DRC5: variants seen among roughly 807,000 people sequenced by gnomAD.
DRC5 encodes T-complex-associated testis-expressed protein 1.
At chr6:44,286,616 A>T in the DRC5 span, 8 of 1,249,122 alleles carry the variant, frequency 6.4e-6, no homozygotes, top group Non-Finnish European at 8.9e-6. Context: ...CCTGCCTGGG[A>T]GCACCAGGCA....
At chr6:44,293,829 C>T in the DRC5 span, among the ~76,000 whole-genome samples, 1 of 152,224 alleles carries the variant, frequency 6.6e-6, no homozygotes, top group Non-Finnish European at 1.5e-5. Flanking sequence ...AGGGTAAATG[C>T]ATTTTCCCCC....
the DRC5 span, among the ~76,000 whole-genome samples, chr6:44,289,852 T>C: frequency 6.6e-6 from 1 of 152,166 alleles, no homozygotes; most frequent in Non-Finnish European, 1.5e-5. Flanking sequence ...GGCACCTAGT[T>C]CCTCCTCCAG....
At chr6:44,295,349 C>T in the DRC5 span, among the ~76,000 whole-genome samples, 104 of 152,238 alleles carry the variant, frequency 6.8e-4, no homozygotes, top group African/African-American at 2.3e-3. Context: ...TGGGGCCTGC[C>T]TCACCAGCTT....
the DRC5 span, among the ~76,000 whole-genome samples, chr6:44,294,375 C>T: frequency 0.89 from 135,336 of 152,194 alleles, 61,283 homozygotes; most frequent in East Asian, 1. Flanking sequence ...CACATGACTA[C>T]ATATAAGATA....
the DRC5 span, chr6:44,286,448 G>A: frequency 6.2e-7 from 1 of 1,614,238 alleles, no homozygotes; most frequent in Non-Finnish European, 8.5e-7. Context: ...CAGGTTGGCG[G>A]TCACAGCCAG....
At chr6:44,280,333 CAA>C in the DRC5 span, 1 of 1,614,164 alleles carries the variant, frequency 6.2e-7, no homozygotes, top group Non-Finnish European at 8.5e-7. Flanking sequence ...AGGCGCAAGT[CAA>C]ATTCCAGGAG....
At chr6:44,287,734 G>C in the DRC5 span, 9 of 1,614,202 alleles carry the variant, frequency 5.6e-6, no homozygotes, top group East Asian at 1.6e-4. Context: ...GCTTGTGCTT[G>C]AAGTGTGTCC....
the DRC5 span, chr6:44,280,127 G>T: frequency 6.7e-7 from 1 of 1,490,334 alleles, no homozygotes; most frequent in Non-Finnish European, 9.3e-7. Flanking sequence ...AGCAGGCATG[G>T]CAGGGGTATG....
At chr6:44,282,799 CT>C in the DRC5 span, among the ~76,000 whole-genome samples, 2,751 of 105,160 alleles carry the variant, frequency 0.026, 14 homozygotes, top group East Asian at 0.07. Flanking sequence ...CCTTTTTTAT[CT>C]TTTTTTTTTT....
At chr6:44,287,072 T>C in the DRC5 span, 1 of 432,638 alleles carries the variant, frequency 2.3e-6, no homozygotes, top group Non-Finnish European at 3.1e-6. Flanking sequence ...TTGCTGTAGA[T>C]GAAATAATGG....
At chr6:44,282,508 TTA>T in the DRC5 span, 4 of 1,605,294 alleles carry the variant, frequency 2.5e-6, no homozygotes, top group Non-Finnish European at 3.4e-6. Context: ...AGGCTTCGAA[TTA>T]TGATGCGTGC....
chr6:44,296,803 T>TC, the DRC5 span, among the ~76,000 whole-genome samples: 1 of 152,202 alleles, frequency 6.6e-6, no homozygotes, highest in African/African-American at 2.4e-5. Flanking sequence ...TCCTCTGTTC[T>TC]CAGGGCTCTG....
the DRC5 span, among the ~76,000 whole-genome samples, chr6:44,280,721 T>C: frequency 1.3e-5 from 2 of 152,364 alleles, 1 homozygote; most frequent in South Asian, 4.1e-4. Flanking sequence ...TCTGGGAAGC[T>C]TCTCCTCATT....
chr6:44,289,191 C>A, the DRC5 span, among the ~76,000 whole-genome samples: 1 of 151,266 alleles, frequency 6.6e-6, no homozygotes, highest in Non-Finnish European at 1.5e-5. Context: ...CGCCTGCCAC[C>A]ACCCCCAGCT....
chr6:44,281,804 T>C, the DRC5 span, among the ~76,000 whole-genome samples: 1 of 152,264 alleles, frequency 6.6e-6, no homozygotes, highest in African/African-American at 2.4e-5. Context: ...CACTTGCTAC[T>C]GACTTGATGC....
the DRC5 span, among the ~76,000 whole-genome samples, chr6:44,289,280 A>G: frequency 6.6e-6 from 1 of 151,824 alleles, no homozygotes; most frequent in Non-Finnish European, 1.5e-5. Context: ...CAGGTGATCC[A>G]CCCACCTCAG....
At chr6:44,287,723 G>A in the DRC5 span, 1 of 1,614,194 alleles carries the variant, frequency 6.2e-7, no homozygotes, top group Non-Finnish European at 8.5e-7. Context: ...GAGAGCTGTG[G>A]GCTTGTGCTT....
At chr6:44,288,477 C>T in the DRC5 span, among the ~76,000 whole-genome samples, 3 of 152,132 alleles carry the variant, frequency 2.0e-5, no homozygotes, top group South Asian at 2.1e-4. Flanking sequence ...TACATTGGAC[C>T]GGCCCTCTGA....
the DRC5 span, among the ~76,000 whole-genome samples, chr6:44,292,414 C>T: frequency 6.6e-6 from 1 of 152,188 alleles, no homozygotes. Context: ...CGTTGTCAGA[C>T]CCCATCTTTC....
Sources: gnomAD v4.1 joint callset for allele counts (sites outside exome capture counted in the v4.1 genomes callset) on GRCh38, gnomAD v4.1.1 for gene constraint, MANE v1.5 for transcripts, NCBI Gene and HGNC (gene_info 2026-07-23, HGNC 2026-07-21) for gene names.